The following NOS1AP variants were observed in gnomAD, a reference collection of about 807,000 sequenced individuals.
NOS1AP encodes the protein nitric oxide synthase 1 adaptor protein.
Under a neutral mutation model 56.2 loss-of-function variants are expected in NOS1AP, and 21 were observed. The observed-to-expected ratio is 0.37, with a 90% CI of 0.26 to 0.54. NOS1AP has a LOEUF of 0.54. NOS1AP is among the 20% of genes least tolerant of loss of function. The probability of loss-of-function intolerance (pLI) is 0.84; values close to 1 mark genes in which losing one functional copy is unlikely to be tolerated. For missense variants in NOS1AP, 522 were observed against 657.8 expected (o/e 0.79, Z 2.26); for synonymous variants, 270 against 274.6 (o/e 0.98, Z 0.17).
At chr1:162,243,861 C>T (rs1007834601) in intron 2 of NOS1AP, among the ~76,000 whole-genome samples, 4 of 152,144 alleles carry the variant, frequency 2.6e-5, no homozygotes, top group Non-Finnish European at 4.4e-5. Flanking sequence ...GTTGGAGGAC[C>T]GTCTTCCCCT....
At chr1:162,118,144 G>T (rs1041156874) in intron 1 of NOS1AP, among the ~76,000 whole-genome samples, 1 of 152,188 alleles carries the variant, frequency 6.6e-6, no homozygotes, top group East Asian at 1.9e-4. Context: ...ATACAGGTTT[G>T]TTCCATGGGT....
chr1:162,135,722 C>T (rs2102068409), intron 1 of NOS1AP, among the ~76,000 whole-genome samples: 1 of 152,240 alleles, frequency 6.6e-6, no homozygotes, highest in East Asian at 1.9e-4. Context: ...AATTTCAAGA[C>T]CAAAAGTGGC....
intron 3 of NOS1AP, among the ~76,000 whole-genome samples, chr1:162,300,275 G>A (rs1056238304): frequency 6.6e-6 from 1 of 152,106 alleles, no homozygotes; most frequent in African/African-American, 2.4e-5. Context: ...TGTAAGTTAG[G>A]TTTACAGCCA....
chr1:162,212,002 A>G (rs1652364078), intron 2 of NOS1AP, among the ~76,000 whole-genome samples: 1 of 152,244 alleles, frequency 6.6e-6, no homozygotes, highest in Non-Finnish European at 1.5e-5. Flanking sequence ...TTAGTGACAG[A>G]ATCAGGAGTG....
At chr1:162,148,070 T>C (rs919682312) in intron 1 of NOS1AP, among the ~76,000 whole-genome samples, 1 of 152,158 alleles carries the variant, frequency 6.6e-6, no homozygotes, top group African/African-American at 2.4e-5. Context: ...CTGGCTTAGG[T>C]CCAATTGAAG....
intron 1 of NOS1AP, among the ~76,000 whole-genome samples, chr1:162,147,069 C>T (rs182424751): frequency 6.6e-6 from 1 of 152,212 alleles, no homozygotes; most frequent in African/African-American, 2.4e-5. Context: ...GTGGCTCATG[C>T]CTGTAATCCT....
chr1:162,090,619 T>C (rs1485144282), intron 1 of NOS1AP, among the ~76,000 whole-genome samples: 3 of 152,150 alleles, frequency 2.0e-5, no homozygotes, highest in Admixed American at 2.0e-4. Flanking sequence ...ATCCCTTTGA[T>C]CTCTTTCCTA....
At chr1:162,103,296 GAC>G (rs1368063967) in intron 1 of NOS1AP, among the ~76,000 whole-genome samples, 85 of 152,110 alleles carry the variant, frequency 5.6e-4, no homozygotes, top group Middle Eastern at 3.4e-3. Context: ...TGGTATGAGA[GAC>G]TGTTATTATT....
chr1:162,244,253 C>T (rs991730173), intron 2 of NOS1AP, among the ~76,000 whole-genome samples: 8 of 152,092 alleles, frequency 5.3e-5, no homozygotes, highest in African/African-American at 9.7e-5. Flanking sequence ...ACCTGTCTCC[C>T]CTCTCAGTTG....
intron 2 of NOS1AP, among the ~76,000 whole-genome samples, chr1:162,280,908 A>G (rs1654903218): frequency 1.3e-5 from 2 of 152,152 alleles, no homozygotes; most frequent in Admixed American, 1.3e-4. Context: ...CTGAGATTTT[A>G]TATAAATCAA....
chr1:162,172,396 T>A (rs1650833117), intron 2 of NOS1AP, among the ~76,000 whole-genome samples: 1 of 152,222 alleles, frequency 6.6e-6, no homozygotes, highest in Non-Finnish European at 1.5e-5. Flanking sequence ...ATATCATCCC[T>A]TGACACAAAA....
At position 162,342,658 on chromosome 1, in the gene NOS1AP, C is replaced by T. The variant is rs772555841; in HGVS notation, c.454-1177C>T. 1.5e-4 allele frequency: 69 copies of T among 458,574 alleles called. 1 individual carries two copies. Among genetic ancestry groups the T allele is most frequent in the South Asian group, 1.1e-3 (68 of 61,064 alleles). 28.4% of individuals were successfully genotyped at this position (458,574 alleles called of 1,614,324 possible). A position where few individuals can be genotyped will look rare whatever the true frequency, so the allele number is the denominator to read the frequency against. On this transcript the variant is annotated intron_variant, in intron 5 of 9. Coordinates refer to ENST00000361897, the MANE Select transcript of NOS1AP (RefSeq NM_014697.3). ...CTTCAACAAGGCCTTCTAGACTTATCAAAACACTGGATATCAGTTAGGTAA... is the reference window on the plus strand; with the variant it reads ...CTTCAACAAGGCCTTCTAGACTTATTAAAACACTGGATATCAGTTAGGTAA...
At chr1:162,105,924 G>A (rs1027865325) in intron 1 of NOS1AP, among the ~76,000 whole-genome samples, 2 of 152,190 alleles carry the variant, frequency 1.3e-5, no homozygotes, top group African/African-American at 4.8e-5. Flanking sequence ...CCCGAAGAAT[G>A]ATGCCAGTTG....
chr1:162,325,327 C>T (rs374829271), intron 4 of NOS1AP, among the ~76,000 whole-genome samples: 4 of 152,010 alleles, frequency 2.6e-5, no homozygotes, highest in South Asian at 4.2e-4. Context: ...GTAACAGCTG[C>T]GACAGGAGTG....
intron 2 of NOS1AP, among the ~76,000 whole-genome samples, chr1:162,207,433 G>A (rs1652195841): frequency 6.6e-6 from 1 of 152,266 alleles, no homozygotes. Flanking sequence ...GCCCAGGTTA[G>A]TGTGGGAACA....
intron 4 of NOS1AP, among the ~76,000 whole-genome samples, chr1:162,301,737 T>C (rs551794700): frequency 1.4e-4 from 21 of 152,326 alleles, no homozygotes; most frequent in African/African-American, 4.3e-4. Flanking sequence ...GTTTTCCTCA[T>C]TGGGAGAATG....
At position 162,100,569 on chromosome 1, in the gene NOS1AP, C is replaced by T. The variant is rs140510735; in HGVS notation, c.105+30287C>T. ...GATGAGTAGGTTGCAAAAATTTTCT[C>T]CCATTCTGTAGGCTGCCTGTTCACT... On this transcript the variant is annotated intron_variant, in intron 1 of 9. Coordinates refer to ENST00000361897, the MANE Select transcript of NOS1AP (RefSeq NM_014697.3). 8.6e-3 allele frequency among the ~76,000 whole-genome samples: 1,305 copies of T among 152,200 alleles called. 13 individuals are homozygous for T. The highest frequency in any genetic ancestry group is 0.022 in the South Asian group (108 of 4,822).
chr1:162,253,012 A>G (rs1653916923), intron 2 of NOS1AP, among the ~76,000 whole-genome samples: 1 of 152,126 alleles, frequency 6.6e-6, no homozygotes, highest in South Asian at 2.1e-4. Flanking sequence ...TATGGTTTGA[A>G]TGTTTGTCCC....
intron 1 of NOS1AP, among the ~76,000 whole-genome samples, chr1:162,114,247 G>GAT (rs1233857155): frequency 1.3e-5 from 2 of 151,746 alleles, no homozygotes; most frequent in Non-Finnish European, 2.9e-5. Context: ...ACGAATAGGG[G>GAT]ATATATATAT....
Sources: gnomAD v4.1 joint callset for allele counts (sites outside exome capture counted in the v4.1 genomes callset) on GRCh38, gnomAD v4.1.1 for gene constraint, MANE v1.5 for transcripts, NCBI Gene and HGNC (gene_info 2026-07-23, HGNC 2026-07-21) for gene names.